TRIM49B: variants seen among roughly 807,000 people sequenced by gnomAD.
TRIM49B encodes tripartite motif containing 49B.
In TRIM49B, 18 loss-of-function variants were observed where a neutral mutation model predicts 31.8. The ratio of observed to expected loss-of-function variants is 0.57; its 90% confidence interval spans 0.39 to 0.84. The LOEUF is 0.84. Ranked by LOEUF, TRIM49B falls within the 40% of genes least tolerant of loss-of-function variation. The pLI is 0.00. For missense variants in TRIM49B, 494 were observed against 538.7 expected (o/e 0.92, Z 0.82); for synonymous variants, 196 against 180.6 (o/e 1.09, Z -0.68).
intron 1 of TRIM49B, 60 bp from the exon 2 acceptor site, chr11:49,031,536 T>A: frequency 6.3e-7 from 1 of 1,591,172 alleles, no homozygotes; most frequent in Non-Finnish European, 8.5e-7. Context: ...TATCTCCACA[T>A]GTTTAGAAGC....
In TRIM49B at chr11:49,031,762, T is replaced by G. The variant is rs1243223720; in HGVS notation, c.163T>G (p.Cys55Gly). Residue 55 changes from cysteine (C) to glycine (G), a missense_variant, in exon 2 of 7, where the codon TGC becomes GGC. Cys to Gly is a radical substitution (Grantham distance 159). Coordinates refer to ENST00000332682, the MANE Select transcript of TRIM49B (RefSeq NM_001206626.2). ...DSPFLVQCSE[C>G]TKSTGQINLK... ...CCCATTTCTTGTCCAGTGCTCTGAA[T>G]GCACAAAGTCAACAGGGCAGATAAA... The G allele has an allele frequency of 1.2e-6, 2 of 1,614,020 alleles. No individual in the cohort carries two copies. The highest frequency in any genetic ancestry group is 1.7e-6 in the Non-Finnish European group (2 of 1,179,874).
chr11:49,033,477 ATG>A (rs1358558571), intron 3 of TRIM49B, among the ~76,000 whole-genome samples: 31 of 6,778 alleles, frequency 4.6e-3, no homozygotes, highest in Middle Eastern at 0.056. Context: ...ATATATATAT[ATG>A]TATGTATGTA....
intron 5 of TRIM49B, among the ~76,000 whole-genome samples, chr11:49,035,622 T>C (rs1338876930): frequency 6.6e-6 from 1 of 152,008 alleles, no homozygotes; most frequent in Admixed American, 6.6e-5. Flanking sequence ...CCTCCCAAAG[T>C]GCTGGGATTA....
chr11:49,029,964 G>A (rs1854425313), intron 1 of TRIM49B, among the ~76,000 whole-genome samples: 1 of 152,148 alleles, frequency 6.6e-6, no homozygotes. Flanking sequence ...GGAACAATAG[G>A]CTATAGTGTA....
At chr11:49,035,001 A>G in intron 4 of TRIM49B, 94 bp from the exon 5 acceptor site, 1 of 1,573,082 alleles carries the variant, frequency 6.4e-7, no homozygotes, top group Non-Finnish European at 8.6e-7. Flanking sequence ...GGGGAATAAT[A>G]TCTTCAGAAA....
intron 3 of TRIM49B, among the ~76,000 whole-genome samples, chr11:49,032,593 G>A (rs1471656532): frequency 1.6e-5 from 2 of 121,698 alleles, no homozygotes; most frequent in Non-Finnish European, 3.5e-5. Context: ...GTCACCCAAA[G>A]CATGCTGGTT....
chr11:49,035,142 A>C lies in TRIM49B; in HGVS notation c.761+25A>C, dbSNP rs764910279. The stretch of plus-strand genomic sequence containing the variant: ...GGTGAGTGTGTACCTAGATTTTAGC[A>C]TATGTTCTTTAAGATTCCACGACTA... On this transcript the variant is annotated intron_variant, in intron 5 of 6. Coordinates refer to ENST00000332682, the MANE Select transcript of TRIM49B (RefSeq NM_001206626.2). 3.1e-6 allele frequency: 5 copies of C among 1,605,632 alleles called. No individual in the cohort carries two copies. In the Admixed American group the frequency reaches 6.8e-5, roughly 22 times the overall value.
chr11:49,034,229 T>C lies in TRIM49B; in HGVS notation c.591T>C (p.Asn197=), dbSNP rs759338122. Residue 197 remains asparagine (N), a synonymous_variant, in exon 4 of 7, where the codon AAT becomes AAC. Transcript: ENST00000332682. The part of the protein sequence containing the change: ...PAFHHEEEKH[N]LEMLKKKGKD... ...TTCACCATGAAGAAGAAAAACATAA[T>C]TTGGAGATGCTGAAAAAGAAGGGGA... 9.3e-6 allele frequency: 15 copies of C among 1,611,832 alleles called. No individual in the cohort carries two copies. The highest frequency in any genetic ancestry group is 2.2e-4 in the Middle Eastern group (1 of 4,452).
chr11:49,031,709 C>T lies in TRIM49B; in HGVS notation c.110C>T (p.Pro37Leu), dbSNP rs1854450261. The change falls in exon 2 of 7, where the codon CCT (proline) becomes CTT (leucine). Residue 37 changes from proline to leucine, a missense_variant. This residue lies in a region of TRIM49B where 251 missense variants were observed against 232.8 expected (regional missense o/e 1.08). Transcript: ENST00000332682. ...TIDCGHSFCR[P>L]CFYLNWKDSP... The stretch of plus-strand genomic sequence containing the variant: ...GACTGTGGGCACAGCTTTTGCAGGC[C>T]TTGTTTCTACCTCAACTGGAAAGAC... The T allele has an allele frequency of 1.2e-6, 2 of 1,613,832 alleles. No homozygotes were observed. Among genetic ancestry groups the T allele is most frequent in the African/African-American group, 1.3e-5 (1 of 74,902 alleles).
At chr11:49,030,336 C>CA (rs1195586425) in intron 1 of TRIM49B, among the ~76,000 whole-genome samples, 9 of 93,672 alleles carry the variant, frequency 9.6e-5, no homozygotes, top group East Asian at 2.5e-4. Context: ...TACTCTGTCT[C>CA]AAAAAAAAGA....
Position 49,030,777 on chromosome 11 carries a change from C to T in TRIM49B, c.-4-819C>T, listed in dbSNP as rs193064655. Among the ~76,000 whole-genome samples, 256 of 152,166 alleles carry T rather than the reference C, an allele frequency of 1.7e-3. 1 individual carries two copies. Among genetic ancestry groups the T allele is most frequent in the South Asian group, 3.3e-3 (16 of 4,812 alleles). ...ATTGGTTAATCCAGTCAGACTGATACCTAAAATTCACCATCACACCATGGA... is the reference window on the plus strand; with the variant it reads ...ATTGGTTAATCCAGTCAGACTGATATCTAAAATTCACCATCACACCATGGA... On this transcript the variant is annotated intron_variant, in intron 1 of 6. Coordinates refer to ENST00000332682, the MANE Select transcript of TRIM49B (RefSeq NM_001206626.2).
At chr11:49,037,290 A>C (rs963203122) in intron 6 of TRIM49B, among the ~76,000 whole-genome samples, 188 bp from the exon 7 acceptor site, 2 of 152,254 alleles carry the variant, frequency 1.3e-5, no homozygotes, top group East Asian at 1.9e-4. Context: ...GTAAGTTTTC[A>C]AAAAAACATA....
intron 1 of TRIM49B, 44 bp from the exon 2 acceptor site, chr11:49,031,552 A>G (rs1854445358): frequency 1.9e-6 from 3 of 1,602,198 alleles, no homozygotes; most frequent in African/African-American, 1.4e-5. Flanking sequence ...GAAGCTTTTC[A>G]TCAACCCAGG....
At chr11:49,032,135 A>G in intron 2 of TRIM49B, 125 bp downstream of exon 2, 1 of 1,583,626 alleles carries the variant, frequency 6.3e-7, no homozygotes, top group South Asian at 1.2e-5. Context: ...GGGCTTTCTT[A>G]GCTTCCAACC....
chr11:49,034,950 A>G, intron 4 of TRIM49B, 145 bp from the exon 5 acceptor site: 3 of 1,413,652 alleles, frequency 2.1e-6, no homozygotes, highest in Non-Finnish European at 2.9e-6. Context: ...TCATTACAGA[A>G]GAAATGAAAT....
In TRIM49B at chr11:49,031,987, G is replaced by T. The variant is rs558492102; in HGVS notation, c.388G>T (p.Glu130Ter). The change falls in exon 2 of 7, where the codon GAG (glutamate) becomes TAG (stop). Residue 130 changes from glutamate to a stop codon, truncating the protein, a stop_gained. Coordinates refer to ENST00000332682, the MANE Select transcript of TRIM49B (RefSeq NM_001206626.2). LOFTEE classifies it high-confidence loss of function. ...CCGGGATCACAGACACTGTCCCATT[G>T]AGTCGGCTGCTGAGGAACACCAGGT... ...EHRDHRHCPI[E>*]SAAEEHQEKL... is the part of the protein sequence containing the mutation. 6.2e-7 allele frequency: 1 copy of T among 1,612,016 alleles called. No individual in the cohort carries two copies. Among genetic ancestry groups the T allele is most frequent in the East Asian group, 2.2e-5 (1 of 44,870 alleles).
chr11:49,035,948 A>AAGCATC (rs758747079), intron 5 of TRIM49B, among the ~76,000 whole-genome samples: 2 of 151,864 alleles, frequency 1.3e-5, no homozygotes, highest in African/African-American at 2.4e-5. Flanking sequence ...GAAGCAGTGG[A>AAGCATC]AGCATCAGTC....
intron 1 of TRIM49B, among the ~76,000 whole-genome samples, chr11:49,030,453 G>A (rs957511166): frequency 6.6e-6 from 1 of 152,170 alleles, no homozygotes; most frequent in African/African-American, 2.4e-5. Context: ...AAATTAATTT[G>A]CTTGATTATG....
chr11:49,032,105 C>T, intron 2 of TRIM49B, 95 bp downstream of exon 2: 2 of 1,602,378 alleles, frequency 1.2e-6, no homozygotes, highest in South Asian at 2.2e-5. Flanking sequence ...AACTCTGAGT[C>T]CCTTTAAGCA....
Sources: gnomAD v4.1 joint callset for allele counts (sites outside exome capture counted in the v4.1 genomes callset) on GRCh38, gnomAD v4.1.1 for gene constraint, gnomAD v4.1.1 regional missense constraint, MANE v1.5 for transcripts, NCBI Gene and HGNC (gene_info 2026-07-23, HGNC 2026-07-21) for gene names.